The following MYO5B variants were observed in gnomAD, a reference collection of about 807,000 sequenced individuals.
MYO5B encodes the protein unconventional myosin-Vb.
In MYO5B, 143 loss-of-function variants were observed where a neutral mutation model predicts 229.3. The ratio of observed to expected loss-of-function variants is 0.62; its 90% CI spans 0.54 to 0.72. The LOEUF (loss-of-function observed/expected upper bound fraction) is 0.72, where lower values mean the gene tolerates loss of function less well. Among genes scored for constraint, MYO5B ranks in the 30% least tolerant of loss-of-function variants. The probability of loss-of-function intolerance (pLI) is 0.00; values close to 1 mark genes in which losing one functional copy is unlikely to be tolerated. For synonymous variants in MYO5B, 918 were observed against 885.2 expected (o/e 1.04, Z -0.66); for missense variants, 2,321 against 2,331.0 (o/e 1.00, Z 0.09).
intron 35 of MYO5B, 80 bp downstream of exon 35, chr18:49,841,285 C>T: frequency 7.4e-7 from 1 of 1,349,786 alleles, no homozygotes; most frequent in Non-Finnish European, 1.1e-6. Context: ...CCCCACTGAC[C>T]TCTGAGGGTA....
At position 49,954,421 on chromosome 18, in the gene MYO5B, A is replaced by C; in HGVS notation, c.1560T>G (p.Thr520=). 1 of 1,614,072 alleles carries C rather than the reference A, an allele frequency of 6.2e-7. No individual in the cohort carries two copies. Among genetic ancestry groups the C allele is most frequent in the South Asian group, 1.1e-5 (1 of 91,088 alleles). The change falls in exon 13 of 40, where the codon ACT becomes ACG. Residue 520 remains threonine (T), a synonymous_variant. Coordinates refer to ENST00000285039, the MANE Select transcript of MYO5B (RefSeq NM_001080467.3). ...LDEECKVPKG[T]DQNWAQKLYD... ...AGAGCTTCTGAGCCCAGTTCTGGTCAGTTCCTTTGGGGACCTGCAGAACCA... is the reference window on the plus strand; with the variant it reads ...AGAGCTTCTGAGCCCAGTTCTGGTCCGTTCCTTTGGGGACCTGCAGAACCA...
intron 23 of MYO5B, 115 bp downstream of exon 23, chr18:49,880,245 TCTATTAAAATC>T (rs2024571913): frequency 1.2e-6 from 1 of 847,244 alleles, no homozygotes. Context: ...TTCATCTTCT[TCTATTAAAATC>T]CTTTCCCCAC....
At chr18:49,827,951 G>A (rs1481695644) in intron 39 of MYO5B, among the ~76,000 whole-genome samples, 1 of 152,116 alleles carries the variant, frequency 6.6e-6, no homozygotes, top group Non-Finnish European at 1.5e-5. Context: ...GTCACATACA[G>A]TCATCCCTCA....
intron 14 of MYO5B, among the ~76,000 whole-genome samples, chr18:49,950,655 T>G (rs559711632): frequency 3.9e-5 from 6 of 152,252 alleles, no homozygotes; most frequent in African/African-American, 1.4e-4. Context: ...TAAAAAGATG[T>G]ACCAACATGC....
chr18:50,010,122 G>A (rs927458545), intron 4 of MYO5B, among the ~76,000 whole-genome samples: 1 of 152,204 alleles, frequency 6.6e-6, no homozygotes, highest in Non-Finnish European at 1.5e-5. Flanking sequence ...AGTCCCAAGT[G>A]CCTACTTGGT....
intron 1 of MYO5B, among the ~76,000 whole-genome samples, chr18:50,164,855 T>C (rs571061924): frequency 6.6e-6 from 1 of 152,324 alleles, no homozygotes; most frequent in South Asian, 2.1e-4. Flanking sequence ...AAGAGTAAAA[T>C]AGAAAATGTC....
chr18:50,070,962 T>C (rs879476152), intron 1 of MYO5B, among the ~76,000 whole-genome samples: 6 of 152,166 alleles, frequency 3.9e-5, no homozygotes, highest in Non-Finnish European at 8.8e-5. Flanking sequence ...CTGGGACATT[T>C]GGGCCAATTG....
At chr18:49,974,220 GC>G in intron 10 of MYO5B, 129 bp downstream of exon 10, 1 of 1,334,838 alleles carries the variant, frequency 7.5e-7, no homozygotes, top group Non-Finnish European at 1.1e-6. Flanking sequence ...ACTAAAAATG[GC>G]CCCACACATT....
chr18:49,839,333 C>G (rs1478639211), intron 35 of MYO5B, 39 bp from the exon 36 acceptor site: 5 of 1,607,808 alleles, frequency 3.1e-6, no homozygotes, highest in Non-Finnish European at 4.2e-6. Context: ...GTTCTCTGGT[C>G]TGCTGGGCCC....
At chr18:49,930,753 G>A (rs998573588) in intron 16 of MYO5B, among the ~76,000 whole-genome samples, 3 of 152,016 alleles carry the variant, frequency 2.0e-5, no homozygotes, top group Admixed American at 6.6e-5. Flanking sequence ...TTAGCTGGGC[G>A]TGGTGGTGGG....
chr18:50,091,554 T>C (rs1011801149), intron 1 of MYO5B, among the ~76,000 whole-genome samples: 1 of 152,186 alleles, frequency 6.6e-6, no homozygotes. Flanking sequence ...AACGGATGTA[T>C]GTACAACAAA....
At chr18:50,035,461 G>C in intron 4 of MYO5B, among the ~76,000 whole-genome samples, 1 of 151,968 alleles carries the variant, frequency 6.6e-6, no homozygotes, top group Middle Eastern at 3.4e-3. Context: ...GTAGACTCAG[G>C]TGAATTGATT....
At chr18:49,876,773 CG>C (rs1555796094) in intron 25 of MYO5B, among the ~76,000 whole-genome samples, 1 of 152,232 alleles carries the variant, frequency 6.6e-6, no homozygotes. Flanking sequence ...TTACTAAGTG[CG>C]TCTGGCAGGC....
intron 1 of MYO5B, among the ~76,000 whole-genome samples, chr18:50,100,132 G>T (rs1160353997): frequency 6.6e-6 from 1 of 152,248 alleles, no homozygotes. Context: ...TTGGTCCAAT[G>T]ACAGAAGGAA....
intron 29 of MYO5B, among the ~76,000 whole-genome samples, chr18:49,862,414 C>T (rs2144076846): frequency 6.6e-6 from 1 of 152,306 alleles, no homozygotes. Context: ...TCCTAAGTCC[C>T]TTACACAGGT....
chr18:49,865,862 T>C (rs1438564127), intron 27 of MYO5B, among the ~76,000 whole-genome samples: 1 of 152,156 alleles, frequency 6.6e-6, no homozygotes, highest in Non-Finnish European at 1.5e-5. Flanking sequence ...GTGACATTTC[T>C]ATTTATCCCA....
intron 1 of MYO5B, among the ~76,000 whole-genome samples, chr18:50,144,136 C>A (rs916067309): frequency 2.0e-5 from 3 of 152,122 alleles, no homozygotes; most frequent in Admixed American, 6.5e-5. Flanking sequence ...GCCCCACCCC[C>A]CTTAGAAATA....
intron 27 of MYO5B, among the ~76,000 whole-genome samples, chr18:49,866,572 A>G (rs1598843434): frequency 6.6e-6 from 1 of 152,102 alleles, no homozygotes; most frequent in East Asian, 1.9e-4. Context: ...CCTTCTAGGT[A>G]CCTCATATAA....
intron 6 of MYO5B, 138 bp downstream of exon 6, chr18:49,992,150 A>G (rs1362431110): frequency 4.9e-6 from 6 of 1,230,494 alleles, no homozygotes; most frequent in Non-Finnish European, 7.2e-6. Flanking sequence ...GATAAAAGAT[A>G]AGAACCAAAA....
Sources: allele counts gnomAD v4.1 joint callset (sites outside exome capture counted in the v4.1 genomes callset), GRCh38; gene constraint gnomAD v4.1.1; transcripts MANE v1.5; gene names NCBI Gene and HGNC (gene_info 2026-07-23, HGNC 2026-07-21).